FBXO21: variants seen among roughly 807,000 people sequenced by gnomAD.
FBXO21 encodes the protein F-box only protein 21.
FBXO21 carries 32 observed loss-of-function variants against 76.6 expected under a neutral mutation model. The observed-to-expected ratio is 0.42, with a 90% CI of 0.32 to 0.56. The LOEUF (loss-of-function observed/expected upper bound fraction) is 0.56. Among genes scored for constraint, FBXO21 ranks in the 20% least tolerant of loss-of-function variants. The pLI is 0.16. For missense variants in FBXO21, 586 were observed against 797.3 expected (o/e 0.73, Z 3.19); for synonymous variants, 328 against 311.5 (o/e 1.05, Z -0.56).
chr12:117,152,443 G>A (rs1461556602), intron 11 of FBXO21, among the ~76,000 whole-genome samples: 6 of 150,092 alleles, frequency 4.0e-5, no homozygotes, highest in African/African-American at 1.5e-4. Context: ...TCCAGCCTGG[G>A]TGACAGAGCA....
At chr12:117,176,577 C>T (rs1956175665) in intron 4 of FBXO21, among the ~76,000 whole-genome samples, 2 of 151,942 alleles carry the variant, frequency 1.3e-5, no homozygotes, top group Non-Finnish European at 2.9e-5. Flanking sequence ...GGGGCTGGCA[C>T]TGGTATTTTG....
intron 7 of FBXO21, among the ~76,000 whole-genome samples, chr12:117,171,809 A>T (rs1387543472): frequency 6.6e-6 from 1 of 152,250 alleles, no homozygotes; most frequent in East Asian, 1.9e-4. Context: ...AGATTTAATG[A>T]GAATATATTT....
At chr12:117,174,586 T>C in intron 5 of FBXO21, 65 bp downstream of exon 5, 2 of 1,556,530 alleles carry the variant, frequency 1.3e-6, no homozygotes, top group South Asian at 1.2e-5. Context: ...AACAAATCTC[T>C]CAAATTAACC....
intron 5 of FBXO21, 139 bp from the exon 6 acceptor site, chr12:117,174,480 G>C: frequency 8.4e-7 from 1 of 1,185,952 alleles, no homozygotes; most frequent in African/African-American, 1.5e-5. Context: ...GCAGAAGGCA[G>C]TATGTATTTG....
In FBXO21 at chr12:117,146,231, G is replaced by A. The variant is rs375044366; in HGVS notation, c.1722C>T (p.Asp574=). ...TAAACTCTGAGAAATAGCGTCCCAC[G>A]TCAGGGTGTGAGATTTCTTGAGGCT... The part of the protein sequence containing the change: ...NVEPQEISHP[D]VGRYFSEFTG... The change falls in exon 12 of 12, where the codon GAC becomes GAT. Residue 574 remains aspartate (D), a synonymous_variant. Transcript: ENST00000622495. 1.4e-5 allele frequency: 22 copies of A among 1,612,866 alleles called. No individual in the cohort carries two copies. Among genetic ancestry groups the A allele is most frequent in the African/African-American group, 6.7e-5 (5 of 74,794 alleles).
At chr12:117,182,710 G>A (rs1161634528) in intron 3 of FBXO21, among the ~76,000 whole-genome samples, 1 of 151,856 alleles carries the variant, frequency 6.6e-6, no homozygotes, top group Non-Finnish European at 1.5e-5. Flanking sequence ...TTACAGGCGT[G>A]TGCCACCATG....
chr12:117,181,882 C>T (rs1956238168), intron 3 of FBXO21, among the ~76,000 whole-genome samples: 1 of 152,122 alleles, frequency 6.6e-6, no homozygotes, highest in African/African-American at 2.4e-5. Context: ...AACTCCTGAC[C>T]TCAGGTGATC....
At chr12:117,183,667 T>A (rs1956256758) in intron 3 of FBXO21, among the ~76,000 whole-genome samples, 1 of 152,246 alleles carries the variant, frequency 6.6e-6, no homozygotes, top group Non-Finnish European at 1.5e-5. Context: ...TTTTTCAATA[T>A]CTCTTGAGTT....
intron 7 of FBXO21, among the ~76,000 whole-genome samples, chr12:117,170,063 A>C (rs1029286707): frequency 6.6e-6 from 1 of 151,734 alleles, no homozygotes; most frequent in African/African-American, 2.4e-5. Flanking sequence ...TGAAGATCCA[A>C]ACTGTATCTA....
At chr12:117,176,607 G>A (rs556171836) in intron 4 of FBXO21, among the ~76,000 whole-genome samples, 1 of 152,040 alleles carries the variant, frequency 6.6e-6, no homozygotes, top group African/African-American at 2.4e-5. Flanking sequence ...GAGGGAAGGG[G>A]GGGTAATGTT....
intron 6 of FBXO21, among the ~76,000 whole-genome samples, chr12:117,173,646 CCAAA>C (rs1390816857): frequency 6.6e-5 from 10 of 152,164 alleles, no homozygotes; most frequent in African/African-American, 1.4e-4. Context: ...TACAAACTGA[CCAAA>C]CAGAGTCAGA....
At chr12:117,169,205 A>T (rs1033646912) in intron 7 of FBXO21, among the ~76,000 whole-genome samples, 1 of 152,236 alleles carries the variant, frequency 6.6e-6, no homozygotes, top group African/African-American at 2.4e-5. Context: ...CATCATCCTT[A>T]GCAAACTAAC....
At chr12:117,151,492 T>C (rs1955842259) in intron 11 of FBXO21, among the ~76,000 whole-genome samples, 1 of 152,244 alleles carries the variant, frequency 6.6e-6, no homozygotes, top group Non-Finnish European at 1.5e-5. Context: ...GAATGGGTTC[T>C]ACCTGGGCTA....
chr12:117,172,361 T>A, intron 7 of FBXO21, 110 bp downstream of exon 7: 1 of 1,228,648 alleles, frequency 8.1e-7, no homozygotes, highest in Non-Finnish European at 1.1e-6. Flanking sequence ...ACCCTAGTCC[T>A]ATTTTTAACC....
At chr12:117,173,706 T>C (rs1425031781) in intron 6 of FBXO21, among the ~76,000 whole-genome samples, 1 of 152,180 alleles carries the variant, frequency 6.6e-6, no homozygotes, top group African/African-American at 2.4e-5. Context: ...GGTTTGCATA[T>C]GGAGGATACT....
intron 11 of FBXO21, among the ~76,000 whole-genome samples, chr12:117,150,522 T>C (rs1955825101): frequency 6.6e-6 from 1 of 152,226 alleles, no homozygotes. Context: ...TATGTGTGTG[T>C]ACTTAAACAA....
intron 9 of FBXO21, among the ~76,000 whole-genome samples, chr12:117,164,736 T>C (rs183425244): frequency 1.3e-5 from 2 of 152,370 alleles, no homozygotes; most frequent in African/African-American, 4.8e-5. Context: ...TTTACCCCTC[T>C]CTAATGACAC....
chr12:117,188,981 C>T, intron 2 of FBXO21: 1 of 531,956 alleles, frequency 1.9e-6, no homozygotes, highest in Non-Finnish European at 3.4e-6. Context: ...GCGTGGGTCC[C>T]TCCCTGCTCC....
Position 117,161,965 on chromosome 12 carries a change from A to G in FBXO21, c.1326+3520T>C, listed in dbSNP as rs562326628. ...ATCAACGAGGAGAATGGTTTCAGCC[A>G]AAGAGGGTCACTGGCTTCCTTGGCA... On this transcript the variant is annotated intron_variant, in intron 9 of 11. Coordinates refer to ENST00000622495, the MANE Select transcript of FBXO21 (RefSeq NM_015002.3). Among the ~76,000 whole-genome samples, 21 of 152,156 alleles carry G rather than the reference A, an allele frequency of 1.4e-4. 1 individual carries two copies. The highest frequency in any genetic ancestry group is 9.8e-4 in the Admixed American group (15 of 15,308).
Sources: allele counts gnomAD v4.1 joint callset (sites outside exome capture counted in the v4.1 genomes callset), GRCh38; gene constraint gnomAD v4.1.1; transcripts MANE v1.5; gene names NCBI Gene and HGNC (gene_info 2026-07-23, HGNC 2026-07-21).